The following PTPRG variants were observed in gnomAD, a reference collection of about 807,000 sequenced individuals.
The protein encoded by PTPRG is receptor-type tyrosine-protein phosphatase gamma.
In PTPRG, 102 loss-of-function variants were observed where a neutral mutation model predicts 165.3. The observed-to-expected ratio is 0.62, with a 90% CI of 0.53 to 0.73. The LOEUF (loss-of-function observed/expected upper bound fraction) is 0.73, where lower values mean the gene tolerates loss of function less well. PTPRG is among the 30% of genes least tolerant of loss of function. PTPRG has a pLI of 0.00. For missense variants in PTPRG, 1,866 were observed against 1,861.4 expected (o/e 1.00, Z -0.05); for synonymous variants, 675 against 669.5 (o/e 1.01, Z -0.13).
At chr3:61,741,808 G>A (rs111908100) in intron 1 of PTPRG, among the ~76,000 whole-genome samples, 1 of 152,028 alleles carries the variant, frequency 6.6e-6, no homozygotes, top group African/African-American at 2.4e-5. Flanking sequence ...TTTTCTTGGT[G>A]GACACCTCAG....
intron 6 of PTPRG, among the ~76,000 whole-genome samples, chr3:62,149,703 A>T (rs1391897773): frequency 6.6e-6 from 1 of 152,060 alleles, no homozygotes; most frequent in Non-Finnish European, 1.5e-5. Flanking sequence ...CCACTGTCAC[A>T]CCCACCTAAG....
intron 1 of PTPRG, among the ~76,000 whole-genome samples, chr3:61,598,842 G>A (rs536848203): frequency 5.9e-5 from 9 of 152,096 alleles, no homozygotes; most frequent in Middle Eastern, 3.4e-3. Flanking sequence ...TCTTTGGCCC[G>A]CGGAAGCACC....
chr3:62,028,491 T>A (rs1699648434), intron 4 of PTPRG, among the ~76,000 whole-genome samples: 1 of 152,240 alleles, frequency 6.6e-6, no homozygotes, highest in Admixed American at 6.5e-5. Flanking sequence ...GGAATAAGAA[T>A]GCTGAGGTAT....
At chr3:61,837,452 G>A (rs550117242) in intron 2 of PTPRG, among the ~76,000 whole-genome samples, 2 of 152,340 alleles carry the variant, frequency 1.3e-5, no homozygotes, top group South Asian at 4.1e-4. Context: ...TGAGTCACAA[G>A]CAGGGCTCCT....
chr3:62,273,007 G>C lies in PTPRG; in HGVS notation c.3244G>C (p.Asp1082His), dbSNP rs755567278. The C allele has an allele frequency of 1.4e-5, 23 of 1,613,808 alleles. No homozygotes were observed. In the South Asian group the frequency reaches 2.5e-4, roughly 18 times the overall value. ...AGACAGCATGCTGCAACAGATAAAAGACAAAAGCACAGTTAACGTCCTGGG... is the reference window on the plus strand; with the variant it reads ...AGACAGCATGCTGCAACAGATAAAACACAAAAGCACAGTTAACGTCCTGGG... ...VIDSMLQQIK[D>H]KSTVNVLGFL... Residue 1082 changes from aspartate (D) to histidine (H), a missense_variant, in exon 22 of 30, where the codon GAC becomes CAC. Asp to His is a moderately conservative substitution (Grantham distance 81). Coordinates refer to ENST00000474889, the MANE Select transcript of PTPRG (RefSeq NM_002841.4). This position sits in a 1 kb window ranked among gnomAD's most constrained non-coding sequence, Gnocchi z 4.1.
intron 2 of PTPRG, among the ~76,000 whole-genome samples, chr3:61,767,992 A>T (rs2034085872): frequency 6.7e-6 from 1 of 148,996 alleles, no homozygotes; most frequent in Non-Finnish European, 1.5e-5. Flanking sequence ...AAAAAAAAAA[A>T]ATCTTGGTAT....
At chr3:62,063,320 C>T (rs1700882571) in intron 4 of PTPRG, among the ~76,000 whole-genome samples, 1 of 152,194 alleles carries the variant, frequency 6.6e-6, no homozygotes, top group African/African-American at 2.4e-5. Context: ...TGGCAGCCCA[C>T]TGTTCTTTTT....
rs76522088 is a variant in PTPRG at position 61,654,573 on chromosome 3, A to G, written c.85+92201A>G. The stretch of plus-strand genomic sequence containing the variant: ...CTAGTTTTTTGTATTTTTAGTAGAG[A>G]TGAGGTTTCGTCATGTTGTCCAGGC... On this transcript the variant is annotated intron_variant, in intron 1 of 29. Coordinates refer to ENST00000474889, the MANE Select transcript of PTPRG (RefSeq NM_002841.4). Among the ~76,000 whole-genome samples the G allele has an allele frequency of 9.8e-3, 1,490 of 151,686 alleles. 26 individuals carry two copies. The highest frequency in any genetic ancestry group is 0.029 in the African/African-American group (1,201 of 41,356).
intron 16 of PTPRG, among the ~76,000 whole-genome samples, chr3:62,257,564 G>C (rs1701567039): frequency 6.6e-6 from 1 of 152,076 alleles, no homozygotes; most frequent in Non-Finnish European, 1.5e-5. Context: ...GAGGCTGTGG[G>C]TGGCTACATT....
intron 6 of PTPRG, among the ~76,000 whole-genome samples, chr3:62,148,966 T>G: frequency 6.6e-6 from 1 of 152,038 alleles, no homozygotes; most frequent in East Asian, 1.9e-4. Context: ...TTGTAAACCT[T>G]GTTTTCCTCT....
intron 1 of PTPRG, among the ~76,000 whole-genome samples, chr3:61,702,476 C>T (rs930589745): frequency 6.6e-6 from 1 of 152,184 alleles, no homozygotes; most frequent in Non-Finnish European, 1.5e-5. Context: ...CAAAACTTTT[C>T]ATTAAACAAT....
intron 1 of PTPRG, among the ~76,000 whole-genome samples, chr3:61,570,630 A>G (rs1700033711): frequency 6.6e-6 from 1 of 152,202 alleles, no homozygotes; most frequent in African/African-American, 2.4e-5. Context: ...AGTGCACTTA[A>G]ATCAGATCTG....
intron 4 of PTPRG, among the ~76,000 whole-genome samples, chr3:62,061,221 T>G (rs1247734011): frequency 6.6e-6 from 1 of 152,236 alleles, no homozygotes; most frequent in East Asian, 1.9e-4. Context: ...ATTTGGGAAT[T>G]ACAAACCAGA....
chr3:62,211,734 G>T (rs557806278), intron 12 of PTPRG, among the ~76,000 whole-genome samples: 8 of 152,210 alleles, frequency 5.3e-5, no homozygotes, highest in African/African-American at 1.9e-4. Context: ...GCTAGTTTTA[G>T]TCTTGACACC....
chr3:61,974,150 T>A (rs528363772), intron 2 of PTPRG, among the ~76,000 whole-genome samples: 2 of 152,324 alleles, frequency 1.3e-5, no homozygotes, highest in African/African-American at 4.8e-5. Flanking sequence ...TTTAAACTAT[T>A]TTTTAATCTT....
At chr3:62,027,013 C>A (rs7434122) in intron 4 of PTPRG, among the ~76,000 whole-genome samples, 85,098 of 151,692 alleles carry the variant, frequency 0.56, 24,823 homozygotes, top group African/African-American at 0.73. Flanking sequence ...ATTGTCTGCT[C>A]TTCCTATTGT....
At chr3:61,711,950 A>G (rs2031579554) in intron 1 of PTPRG, among the ~76,000 whole-genome samples, 1 of 149,774 alleles carries the variant, frequency 6.7e-6, no homozygotes, top group African/African-American at 2.5e-5. Flanking sequence ...CTGGAGTGCA[A>G]TGGTGTGATC....
At chr3:61,815,567 G>GGT (rs1259980290) in intron 2 of PTPRG, among the ~76,000 whole-genome samples, 1 of 152,110 alleles carries the variant, frequency 6.6e-6, no homozygotes, top group Non-Finnish European at 1.5e-5. Flanking sequence ...GAGAATACGA[G>GGT]GTTATATATT....
intron 11 of PTPRG, among the ~76,000 whole-genome samples, chr3:62,202,919 G>A (rs1241492354): frequency 1.3e-5 from 2 of 152,152 alleles, no homozygotes; most frequent in Non-Finnish European, 2.9e-5. Context: ...TAATATCAGT[G>A]AAAAGCTGAG....
Sources: gnomAD v4.1 joint callset for allele counts (sites outside exome capture counted in the v4.1 genomes callset) on GRCh38, gnomAD v4.1.1 for gene constraint, Gnocchi (gnomAD v3.1) non-coding constraint, MANE v1.5 for transcripts, NCBI Gene and HGNC (gene_info 2026-07-23, HGNC 2026-07-21) for gene names.